Variants in SOS2 observed in about 807,000 individuals in gnomAD.
SOS2 encodes the protein son of sevenless homolog 2.
Under a neutral mutation model 148.2 loss-of-function variants are expected in SOS2, and 65 were observed. That is an observed-to-expected ratio of 0.44 (90% CI 0.36 to 0.54). The LOEUF (loss-of-function observed/expected upper bound fraction) is 0.54. Ranked by LOEUF, SOS2 falls within the 20% of genes least tolerant of loss-of-function variation. The probability of loss-of-function intolerance (pLI) is 0.00; values close to 1 mark genes in which losing one functional copy is unlikely to be tolerated. For synonymous variants in SOS2, 539 were observed against 537.1 expected, an observed-to-expected ratio of 1.00 and a Z score of -0.05; for missense variants, 1,341 against 1,590.2, an observed-to-expected ratio of 0.84 and a Z score of 2.67.
At chr14:50,161,391 C>A in intron 9 of SOS2, 91 bp downstream of exon 9, 3 of 941,378 alleles carry the variant, frequency 3.2e-6, no homozygotes, top group Non-Finnish European at 3.2e-6. Context: ...AATAATGTAA[C>A]TATCACAATA....
rs748121445 is a variant in SOS2 at position 50,160,073 on chromosome 14, G to C, written c.1210C>G (p.Pro404Ala). The change falls in exon 10 of 23, where the codon CCT (proline) becomes GCT (alanine). Residue 404 changes from proline to alanine, a missense_variant. This residue lies in a region of SOS2 where 574 missense variants were observed against 711.1 expected (regional missense o/e 0.81). Transcript: ENST00000216373. ...CTTCTTAATTGGTGACTATAAAAAG[G>C]GCAAACAGGATCTCTAGAAAAAACA... ...PRRRPGDPVC[P>A]FYSHQLRSKH... 5.6e-6 allele frequency: 9 copies of C among 1,609,980 alleles called. No homozygotes were observed. The East Asian group carries it at 1.6e-4, about 28-fold the overall frequency.
chr14:50,123,045 G>T (rs939365013), intron 21 of SOS2, among the ~76,000 whole-genome samples: 1 of 152,102 alleles, frequency 6.6e-6, no homozygotes, highest in East Asian at 1.9e-4. Context: ...TATAAATTAT[G>T]ACAAGAAATA....
At chr14:50,214,700 C>CT (rs755314459) in intron 1 of SOS2, among the ~76,000 whole-genome samples, 319 of 131,084 alleles carry the variant, frequency 2.4e-3, no homozygotes, top group Middle Eastern at 3.9e-3. Flanking sequence ...AAGGCCGTTT[C>CT]TTTTTTTTTT....
At chr14:50,195,420 T>C (rs1886283180) in intron 4 of SOS2, among the ~76,000 whole-genome samples, 2 of 151,938 alleles carry the variant, frequency 1.3e-5, no homozygotes, top group African/African-American at 4.8e-5. Flanking sequence ...AAGGTGAAGA[T>C]TTAGGACATG....
chr14:50,225,890 C>T (rs1887356084), intron 1 of SOS2, among the ~76,000 whole-genome samples: 1 of 152,180 alleles, frequency 6.6e-6, no homozygotes, highest in African/African-American at 2.4e-5. Context: ...ATACTAGCTT[C>T]ATCCACTTAT....
At chr14:50,151,775 T>C (rs1884670484) in intron 13 of SOS2, among the ~76,000 whole-genome samples, 1 of 152,222 alleles carries the variant, frequency 6.6e-6, no homozygotes, top group South Asian at 2.1e-4. Flanking sequence ...CAGGCTTGTG[T>C]GCAGTGTTGC....
At chr14:50,146,049 C>T (rs1259516082) in intron 14 of SOS2, among the ~76,000 whole-genome samples, 7 of 150,802 alleles carry the variant, frequency 4.6e-5, no homozygotes, top group African/African-American at 1.7e-4. Flanking sequence ...AGGAGAATCG[C>T]TTGAACCCGG....
intron 1 of SOS2, among the ~76,000 whole-genome samples, chr14:50,227,188 A>T (rs1173363595): frequency 6.6e-6 from 1 of 151,884 alleles, no homozygotes; most frequent in Non-Finnish European, 1.5e-5. Context: ...TCTATTCCCA[A>T]AATTATTTTT....
intron 1 of SOS2, among the ~76,000 whole-genome samples, chr14:50,214,339 T>C (rs1040591165): frequency 1.3e-5 from 2 of 152,042 alleles, no homozygotes; most frequent in African/African-American, 2.4e-5. Context: ...GGCTTTCTAA[T>C]GTATTTCTAT....
chr14:50,179,224 T>C (rs1037342224), intron 7 of SOS2, among the ~76,000 whole-genome samples: 2 of 152,078 alleles, frequency 1.3e-5, no homozygotes, highest in Admixed American at 6.6e-5. Flanking sequence ...GACAATTGGC[T>C]GCAAAGAAAA....
At chr14:50,130,125 A>C (rs1883818637) in intron 20 of SOS2, 123 bp from the exon 21 acceptor site, 1 of 642,648 alleles carries the variant, frequency 1.6e-6, no homozygotes, top group South Asian at 2.3e-5. Flanking sequence ...TTGCCATGTT[A>C]GTTTTTTAAA....
Position 50,130,730 on chromosome 14 carries a change from A to G in SOS2, c.3108T>C (p.Pro1036=), listed in dbSNP as rs749731488. Residue 1036 remains proline, a synonymous_variant, in exon 20 of 23, where the codon CCT becomes CCC. Transcript: ENST00000216373. ...PRKSTFSLKS[P]GIRPNTGRHG... ...GTCGGCCTGTGTTAGGCCTTATTCC[A>G]GGAGATTTTAAGGAAAAAGTTGATT... The G allele has an allele frequency of 6.2e-7, 1 of 1,606,322 alleles. No homozygotes were observed. Among genetic ancestry groups the G allele is most frequent in the African/African-American group, 1.3e-5 (1 of 74,676 alleles).
At position 50,118,790 on chromosome 14, in the gene SOS2, C is replaced by A. The variant is rs778368766; in HGVS notation, c.3553G>T (p.Val1185Leu). The A allele has an allele frequency of 7.1e-6, 11 of 1,558,252 alleles. No homozygotes were observed. The African/African-American group carries it at 1.3e-4, about 18-fold the overall frequency. ...IPPRQPPPPK[V>L]KPRVPVPTGA... ...GTAGGAACAGGAACTCTGGGTTTTA[C>A]CTTTGGAGGAGGAGGCTGTCTCGGT... The change falls in exon 23 of 23, where the codon GTA becomes TTA. Residue 1185 changes from valine to leucine, a missense_variant. Coordinates refer to ENST00000216373, the MANE Select transcript of SOS2 (RefSeq NM_006939.4).
intron 8 of SOS2, among the ~76,000 whole-genome samples, chr14:50,166,246 A>G (rs566938176): frequency 6.6e-6 from 1 of 152,326 alleles, no homozygotes; most frequent in Admixed American, 6.5e-5. Flanking sequence ...TCTTTGAGAT[A>G]AAGTCTCACT....
chr14:50,167,453 T>A (rs1488229923), intron 8 of SOS2, among the ~76,000 whole-genome samples: 1 of 152,124 alleles, frequency 6.6e-6, no homozygotes, highest in Non-Finnish European at 1.5e-5. Context: ...GAGGATTGAT[T>A]GAGCCTGGGA....
chr14:50,226,011 C>T (rs986687369), intron 1 of SOS2, among the ~76,000 whole-genome samples: 2 of 151,962 alleles, frequency 1.3e-5, no homozygotes, highest in Admixed American at 1.3e-4. Context: ...ATCCTTCCCC[C>T]CCGCCCTTTT....
At chr14:50,130,885 T>C (rs1883845998) in intron 19 of SOS2, 123 bp from the exon 20 acceptor site, 4 of 731,012 alleles carry the variant, frequency 5.5e-6, no homozygotes, top group Non-Finnish European at 8.7e-6. Flanking sequence ...CGTGCAGTCC[T>C]TCAGTCTGCA....
At chr14:50,150,635 TA>T (rs976529577) in intron 13 of SOS2, among the ~76,000 whole-genome samples, 6 of 151,708 alleles carry the variant, frequency 4.0e-5, no homozygotes, top group African/African-American at 1.5e-4. Flanking sequence ...AATCTCAACT[TA>T]TTGCAACTTC....
chr14:50,200,666 C>T (rs1303015263), intron 3 of SOS2, among the ~76,000 whole-genome samples: 3 of 150,916 alleles, frequency 2.0e-5, no homozygotes, highest in Non-Finnish European at 4.4e-5. Flanking sequence ...GGCAACACAG[C>T]AAGACCCTGT....
Sources: gnomAD v4.1 joint callset for allele counts (sites outside exome capture counted in the v4.1 genomes callset) on GRCh38, gnomAD v4.1.1 for gene constraint, gnomAD v4.1.1 regional missense constraint, MANE v1.5 for transcripts, NCBI Gene and HGNC (gene_info 2026-07-23, HGNC 2026-07-21) for gene names.